ANO3: variants seen among roughly 807,000 people sequenced by gnomAD.
ANO3 encodes the protein anoctamin-3.
ANO3 carries 99 observed loss-of-function variants against 144.8 expected under a neutral mutation model. The observed-to-expected ratio is 0.68, with a 90% CI of 0.58 to 0.81. ANO3 has a LOEUF of 0.81. Among genes scored for constraint, ANO3 ranks in the 30% least tolerant of loss-of-function variants. The pLI is 0.00. For missense variants in ANO3, 905 were observed against 1,202.2 expected (o/e 0.75, Z 3.66); for synonymous variants, 414 against 392.6 (o/e 1.05, Z -0.64).
intron 1 of ANO3, among the ~76,000 whole-genome samples, chr11:26,419,946 G>A (rs1373795516): frequency 6.7e-6 from 1 of 148,246 alleles, no homozygotes; most frequent in African/African-American, 2.5e-5. Context: ...AAAGATGAAG[G>A]TAAAAATGAG....
At chr11:26,433,031 G>A (rs1321031889) in intron 1 of ANO3, among the ~76,000 whole-genome samples, 4 of 152,062 alleles carry the variant, frequency 2.6e-5, no homozygotes, top group African/African-American at 9.7e-5. Flanking sequence ...TTCTATCCCT[G>A]AGCATGGAAT....
intron 1 of ANO3, among the ~76,000 whole-genome samples, chr11:26,198,431 T>G (rs971583610): frequency 6.6e-6 from 1 of 152,166 alleles, no homozygotes; most frequent in Non-Finnish European, 1.5e-5. Context: ...TTATAGTGTA[T>G]GCTGAAGGAA....
intron 1 of ANO3, among the ~76,000 whole-genome samples, chr11:26,290,260 C>T (rs965944239): frequency 2.0e-5 from 3 of 151,980 alleles, no homozygotes; most frequent in Non-Finnish European, 2.9e-5. Context: ...GGTGATATCC[C>T]CTTTATCATT....
intron 12 of ANO3, among the ~76,000 whole-genome samples, chr11:26,548,191 T>C (rs968233290): frequency 1.4e-5 from 2 of 144,846 alleles, no homozygotes; most frequent in Admixed American, 1.4e-4. Context: ...AGATATGGAA[T>C]GGTAGTGAAA....
chr11:26,378,977 A>AAG (rs1554946748), intron 1 of ANO3, among the ~76,000 whole-genome samples: 1 of 151,492 alleles, frequency 6.6e-6, no homozygotes, highest in Admixed American at 6.6e-5. Flanking sequence ...CTCCAAAAAA[A>AAG]AAAAGCCTCA....
chr11:26,602,589 T>TG (rs1851829983), intron 17 of ANO3, among the ~76,000 whole-genome samples: 1 of 2,164 alleles, frequency 4.6e-4, no homozygotes, highest in Admixed American at 2.0e-3. Flanking sequence ...TTTTCTTTTC[T>TG]TTTTTTTTTT....
chr11:26,244,637 C>G (rs2133813960), intron 1 of ANO3, among the ~76,000 whole-genome samples: 1 of 152,222 alleles, frequency 6.6e-6, no homozygotes, highest in Admixed American at 6.5e-5. Flanking sequence ...ACAGTGGACA[C>G]CTGTATACAT....
upstream of ANO3, among the ~76,000 whole-genome samples, chr11:26,327,898 A>AT (rs1854927888): frequency 6.6e-6 from 1 of 152,070 alleles, no homozygotes; most frequent in African/African-American, 2.4e-5. Flanking sequence ...AATTATTCAG[A>AT]TTTTCAGCAG....
chr11:26,615,414 A>ATATATATATATATTT (rs1352935016), intron 17 of ANO3, among the ~76,000 whole-genome samples: 250 of 130,646 alleles, frequency 1.9e-3, no homozygotes, highest in Middle Eastern at 8.4e-3. Flanking sequence ...ATATATATAT[A>ATATATATATATATTT]TTTTTTTTTT....
intron 1 of ANO3, among the ~76,000 whole-genome samples, chr11:26,376,280 A>G (rs1028045719): frequency 1.3e-5 from 2 of 152,188 alleles, no homozygotes; most frequent in African/African-American, 4.8e-5. Context: ...TTTTAGTAAC[A>G]GTCACCTTAA....
intron 4 of ANO3, among the ~76,000 whole-genome samples, chr11:26,478,692 T>G (rs1239513504): frequency 6.6e-6 from 1 of 152,056 alleles, no homozygotes; most frequent in African/African-American, 2.4e-5. Flanking sequence ...CCCAAAACCT[T>G]TATGCAAGCA....
chr11:26,602,161 C>A (rs61878590), intron 17 of ANO3, among the ~76,000 whole-genome samples: 38,875 of 151,910 alleles, frequency 0.26, 5,074 homozygotes, highest in Middle Eastern at 0.31. Context: ...GAAATTCAAC[C>A]CACAGATGGA....
chr11:26,408,060 A>G (rs1005415835), intron 1 of ANO3, among the ~76,000 whole-genome samples: 5 of 152,098 alleles, frequency 3.3e-5, no homozygotes, highest in Admixed American at 1.3e-4. Context: ...GGACATAGAC[A>G]TGGGCAAGGA....
At chr11:26,198,382 C>T (rs1371832783) in intron 1 of ANO3, among the ~76,000 whole-genome samples, 3 of 151,932 alleles carry the variant, frequency 2.0e-5, no homozygotes, top group African/African-American at 7.3e-5. Context: ...TTTGTAACTC[C>T]GGAATGGTCA....
At chr11:26,353,054 A>C (rs959147974) in intron 1 of ANO3, among the ~76,000 whole-genome samples, 1 of 152,222 alleles carries the variant, frequency 6.6e-6, no homozygotes, top group African/African-American at 2.4e-5. Context: ...GGGGAGTACA[A>C]GTGTATGCAG....
At chr11:26,390,045 C>T (rs1261070079) in intron 1 of ANO3, among the ~76,000 whole-genome samples, 2 of 152,060 alleles carry the variant, frequency 1.3e-5, no homozygotes, top group African/African-American at 2.4e-5. Context: ...GACAATAAAT[C>T]ATCAATAATC....
At chr11:26,220,704 TCTCAAAAATGATGTAACA>T (rs922503637) in intron 1 of ANO3, among the ~76,000 whole-genome samples, 4 of 152,168 alleles carry the variant, frequency 2.6e-5, no homozygotes, top group African/African-American at 9.7e-5. Flanking sequence ...GGATCAGACA[TCTCAAAAATGATGTAACA>T]CTCAGTGTCA....
intron 1 of ANO3, among the ~76,000 whole-genome samples, chr11:26,414,771 A>G (rs2133990186): frequency 6.6e-6 from 1 of 151,946 alleles, no homozygotes; most frequent in East Asian, 1.9e-4. Context: ...AAAAAAAAAA[A>G]AAAAGAAAGA....
intron 17 of ANO3, among the ~76,000 whole-genome samples, chr11:26,611,028 T>C (rs954884642): frequency 1.4e-4 from 21 of 152,270 alleles, no homozygotes; most frequent in South Asian, 4.1e-4. Flanking sequence ...TCTTTCCTCT[T>C]TTTTTCTGTG....
Sources: gnomAD v4.1 joint callset for allele counts (sites outside exome capture counted in the v4.1 genomes callset) on GRCh38, gnomAD v4.1.1 for gene constraint, MANE v1.5 for transcripts, NCBI Gene and HGNC (gene_info 2026-07-23, HGNC 2026-07-21) for gene names.